Variants in LRP1B observed in about 807,000 individuals in gnomAD.
LRP1B encodes LDL receptor related protein 1B, also known as low-density lipoprotein receptor-related protein 1B.
Under a neutral mutation model 556.6 loss-of-function variants are expected in LRP1B, and 217 were observed. The ratio of observed to expected loss-of-function variants is 0.39; its 90% CI spans 0.35 to 0.44. The LOEUF is 0.44. LRP1B is among the 20% of genes least tolerant of loss of function. LRP1B has a pLI of 1.00. For missense variants in LRP1B, 5,053 were observed against 5,620.8 expected (o/e 0.90, Z 3.23); for synonymous variants, 2,047 against 1,865.8 (o/e 1.10, Z -2.50).
intron 3 of LRP1B, among the ~76,000 whole-genome samples, chr2:141,271,658 A>C (rs1206545992): frequency 1.3e-5 from 2 of 151,860 alleles, no homozygotes; most frequent in Admixed American, 6.6e-5. Flanking sequence ...CAAAATTAGA[A>C]TTCAAAATAA....
intron 2 of LRP1B, among the ~76,000 whole-genome samples, chr2:141,519,508 A>G (rs1574039497): frequency 6.6e-6 from 1 of 151,694 alleles, no homozygotes. Flanking sequence ...TCTCAGTTGA[A>G]GTATGCCATG....
chr2:140,381,861 CAAAAAAAAAAAAAA>C (rs56723132), intron 67 of LRP1B, among the ~76,000 whole-genome samples: 1 of 64,214 alleles, frequency 1.6e-5, no homozygotes, highest in Non-Finnish European at 3.2e-5. Context: ...GGCTCCCTTT[CAAAAAAAAAAAAAA>C]AAAAAAAAAA....
chr2:140,442,748 C>T (rs1686487594), intron 65 of LRP1B, 125 bp from the exon 66 acceptor site: 4 of 847,218 alleles, frequency 4.7e-6, no homozygotes, highest in Admixed American at 2.7e-5. Context: ...ATTAATAGGA[C>T]TCTGAAGGTG....
chr2:142,112,199 A>C (rs1336619892), intron 1 of LRP1B, among the ~76,000 whole-genome samples: 1 of 152,112 alleles, frequency 6.6e-6, no homozygotes, highest in Non-Finnish European at 1.5e-5. Flanking sequence ...GATAGATCTA[A>C]TATCTAGTTT....
chr2:141,532,313 G>T (rs538769684), intron 2 of LRP1B, among the ~76,000 whole-genome samples: 6,894 of 134,522 alleles, frequency 0.051, 199 homozygotes, highest in Non-Finnish European at 0.08. Flanking sequence ...GTATTACATT[G>T]TATGAACTTA....
intron 7 of LRP1B, among the ~76,000 whole-genome samples, chr2:141,063,066 C>G (rs911656500): frequency 2.0e-4 from 30 of 151,696 alleles, no homozygotes; most frequent in Admixed American, 9.9e-4. Flanking sequence ...GTTTAGTAAA[C>G]ACAAATCAAT....
intron 66 of LRP1B, among the ~76,000 whole-genome samples, chr2:140,392,915 A>G (rs1280300274): frequency 6.6e-6 from 1 of 150,816 alleles, no homozygotes; most frequent in Non-Finnish European, 1.5e-5. Context: ...TGTTATATGT[A>G]GGCCTTTCAT....
chr2:141,924,245 T>C (rs1700275897), intron 1 of LRP1B, among the ~76,000 whole-genome samples: 2 of 151,806 alleles, frequency 1.3e-5, no homozygotes, highest in African/African-American at 4.8e-5. Context: ...AGAAGGTATG[T>C]CTGAACACCA....
intron 3 of LRP1B, among the ~76,000 whole-genome samples, chr2:141,258,672 G>A (rs559238899): frequency 6.6e-6 from 1 of 152,198 alleles, no homozygotes; most frequent in African/African-American, 2.4e-5. Flanking sequence ...AAACCTGGAG[G>A]GAGGTGATTG....
At chr2:141,777,841 G>T (rs1205518183) in intron 2 of LRP1B, among the ~76,000 whole-genome samples, 1 of 152,080 alleles carries the variant, frequency 6.6e-6, no homozygotes, top group Non-Finnish European at 1.5e-5. Flanking sequence ...ATTCAAAAAT[G>T]GAAGTTCGTT....
intron 7 of LRP1B, among the ~76,000 whole-genome samples, chr2:141,163,720 G>A (rs1356581669): frequency 6.6e-6 from 1 of 152,010 alleles, no homozygotes; most frequent in Non-Finnish European, 1.5e-5. Context: ...CTGCTGCCAT[G>A]TAAGATGTGC....
At position 141,048,969 on chromosome 2, in the gene LRP1B, G is replaced by A. The variant is rs755685980; in HGVS notation, c.1789+17C>T. ...CATCTCTGGGTAGTTTGATGTTAAT[G>A]TCACAGTGTCACTTACCATCTTTCA... is the stretch of plus-strand genomic sequence containing the variant. On this transcript the variant is annotated intron_variant, in intron 11 of 90. Transcript: ENST00000389484. 28 of 1,561,492 alleles carry A rather than the reference G, an allele frequency of 1.8e-5. No homozygotes were observed. Among genetic ancestry groups the A allele is most frequent in the Non-Finnish European group, 2.5e-5 (28 of 1,132,416 alleles).
At chr2:141,017,632 T>A (rs1255658073) in intron 12 of LRP1B, among the ~76,000 whole-genome samples, 1 of 145,904 alleles carries the variant, frequency 6.9e-6, no homozygotes, top group Non-Finnish European at 1.5e-5. Context: ...AATGCCAATC[T>A]GAGAGAGGTT....
intron 1 of LRP1B, among the ~76,000 whole-genome samples, chr2:141,936,780 C>G (rs1379560570): frequency 6.6e-6 from 1 of 151,976 alleles, no homozygotes; most frequent in South Asian, 2.1e-4. Flanking sequence ...ATTTTTAGTT[C>G]TTAATATCAT....
At chr2:141,237,469 G>T (rs181792770) in intron 5 of LRP1B, among the ~76,000 whole-genome samples, 116 of 151,104 alleles carry the variant, frequency 7.7e-4, no homozygotes, top group Non-Finnish European at 1.5e-3. Context: ...GCCTCCCAAA[G>T]TGCCAGGACT....
At chr2:141,386,739 G>T in intron 3 of LRP1B, among the ~76,000 whole-genome samples, 1 of 151,938 alleles carries the variant, frequency 6.6e-6, no homozygotes, top group East Asian at 1.9e-4. Context: ...AACATGCACA[G>T]ATTTGAGAAA....
chr2:141,800,103 T>C (rs1321871338), intron 2 of LRP1B, among the ~76,000 whole-genome samples: 1 of 152,166 alleles, frequency 6.6e-6, no homozygotes. Context: ...GGCCCTGTCA[T>C]ATAGTAGTCA....
intron 4 of LRP1B, among the ~76,000 whole-genome samples, chr2:141,250,665 T>C (rs182205290): frequency 4.7e-4 from 72 of 152,284 alleles, no homozygotes; most frequent in Non-Finnish European, 5.0e-4. Context: ...ACTGGTTGGT[T>C]CAGAGGTATA....
intron 10 of LRP1B, among the ~76,000 whole-genome samples, chr2:141,049,426 T>G (rs567436230): frequency 2.2e-4 from 34 of 152,236 alleles, no homozygotes; most frequent in African/African-American, 8.2e-4. Context: ...CTTCCGCAAA[T>G]GGGTTATATG....
Sources: allele counts gnomAD v4.1 joint callset (sites outside exome capture counted in the v4.1 genomes callset), GRCh38; gene constraint gnomAD v4.1.1; transcripts MANE v1.5; gene names NCBI Gene and HGNC (gene_info 2026-07-23, HGNC 2026-07-21).